A2M: variants seen among roughly 807,000 people sequenced by gnomAD.
The protein encoded by A2M is alpha-2-macroglobulin.
A2M carries 128 observed loss-of-function variants against 183.9 expected under a neutral mutation model. The observed-to-expected ratio is 0.70, with a 90% confidence interval of 0.60 to 0.81. The LOEUF (loss-of-function observed/expected upper bound fraction) is 0.81. Among genes scored for constraint, A2M ranks in the 30% least tolerant of loss-of-function variants. The probability of loss-of-function intolerance (pLI) is 0.00; values close to 1 mark genes in which losing one functional copy is unlikely to be tolerated. For synonymous variants in A2M, 592 were observed against 670.8 expected (o/e 0.88, Z 1.81); for missense variants, 1,495 against 1,787.6 (o/e 0.84, Z 2.95).
At chr12:9,090,322 A>G in intron 20 of A2M, 34 bp downstream of exon 20, 2 of 1,613,660 alleles carry the variant, frequency 1.2e-6, no homozygotes. Context: ...ACAATCTTTG[A>G]GTAGAGAATT....
At chr12:9,105,788 C>G (rs189484211) in intron 10 of A2M, among the ~76,000 whole-genome samples, 14 of 152,172 alleles carry the variant, frequency 9.2e-5, no homozygotes, top group Admixed American at 6.5e-4. Context: ...ATTGTAGAAT[C>G]TTTAATACTT....
chr12:9,107,892 C>A (rs1280295566), intron 7 of A2M, among the ~76,000 whole-genome samples: 1 of 150,002 alleles, frequency 6.7e-6, no homozygotes, highest in African/African-American at 2.5e-5. Context: ...TTAGTTTTAT[C>A]TTAAAAAAGT....
chr12:9,111,442 T>C (rs1021967173), intron 4 of A2M: 42 of 447,954 alleles, frequency 9.4e-5, no homozygotes, highest in African/African-American at 6.6e-4. Flanking sequence ...TTGAAGGTTA[T>C]TGTAATGATC....
intron 22 of A2M, among the ~76,000 whole-genome samples, chr12:9,087,439 T>C (rs1378676476): frequency 6.6e-6 from 1 of 152,164 alleles, no homozygotes; most frequent in Non-Finnish European, 1.5e-5. Context: ...TTCTCATTTG[T>C]ATGTGGAAGC....
intron 1 of A2M, chr12:9,115,476 C>A: frequency 3.4e-6 from 1 of 292,506 alleles, no homozygotes; most frequent in South Asian, 4.1e-5. Context: ...ATAGCATGGT[C>A]TCAAGTAGAT....
chr12:9,111,789 A>C (rs1448024033), intron 4 of A2M, among the ~76,000 whole-genome samples: 1 of 152,196 alleles, frequency 6.6e-6, no homozygotes, highest in Non-Finnish European at 1.5e-5. Flanking sequence ...TTTCCTTTAT[A>C]GTGAAGATTT....
chr12:9,100,796 GAGCTAAGCTATTAGGAAGTGGC>G (rs1430018934), intron 13 of A2M, among the ~76,000 whole-genome samples: 4 of 152,316 alleles, frequency 2.6e-5, no homozygotes, highest in East Asian at 1.9e-4. Context: ...TCAGAAGTAG[GAGCTAAGCTATTAGGAAGTGGC>G]AGCTAAGCTA....
chr12:9,095,867 C>G lies in A2M; in HGVS notation c.1852-167G>C, dbSNP rs530359129. 2.4e-4 allele frequency among the ~76,000 whole-genome samples: 35 copies of G among 143,928 alleles called. No homozygotes were observed. In the South Asian group the frequency reaches 7.1e-3, roughly 29 times the overall value. 94.4% of individuals were successfully genotyped at this position (143,928 alleles called of 152,430 possible). ...CTCCGCTTCCCGGGTTCACGCCATT[C>G]TCCTGCCTCAGCCTCCCGAGTAGCT... On this transcript the variant is annotated intron_variant, in intron 15 of 35. Transcript: ENST00000318602.
intron 22 of A2M, among the ~76,000 whole-genome samples, chr12:9,083,999 C>T (rs1049620916): frequency 1.3e-5 from 2 of 152,020 alleles, no homozygotes; most frequent in Non-Finnish European, 1.5e-5. Flanking sequence ...AGCAGTAACC[C>T]GGCAGGCTGA....
intron 22 of A2M, among the ~76,000 whole-genome samples, chr12:9,081,929 T>G (rs990447366): frequency 6.6e-6 from 1 of 152,220 alleles, no homozygotes; most frequent in Non-Finnish European, 1.5e-5. Context: ...GCCAACTGCA[T>G]AGCCCATCTG....
At chr12:9,080,062 A>G in intron 23 of A2M, 32 bp downstream of exon 23, 2 of 1,402,270 alleles carry the variant, frequency 1.4e-6, no homozygotes, top group Non-Finnish European at 1.9e-6. Flanking sequence ...GAAGCTGTTA[A>G]TGCCCGGATC....
intron 22 of A2M, among the ~76,000 whole-genome samples, chr12:9,086,691 G>A (rs1433095471): frequency 1.3e-5 from 2 of 152,150 alleles, no homozygotes; most frequent in East Asian, 1.9e-4. Flanking sequence ...ATATTTAACA[G>A]TGGAAAATTG....
At chr12:9,110,190 T>C in intron 5 of A2M, 124 bp downstream of exon 5, 8 of 1,110,964 alleles carry the variant, frequency 7.2e-6, no homozygotes, top group Non-Finnish European at 7.7e-6. Flanking sequence ...TCTAGCTCTA[T>C]GGGAGTTTGA....
chr12:9,109,773 G>T (rs1592392960), intron 6 of A2M, 94 bp downstream of exon 6: 1 of 1,263,352 alleles, frequency 7.9e-7, no homozygotes, highest in East Asian at 2.3e-5. Context: ...GTCACCCATG[G>T]GAAATGGAAA....
At chr12:9,103,285 A>C (rs141513167) in intron 11 of A2M, among the ~76,000 whole-genome samples, 1 of 152,338 alleles carries the variant, frequency 6.6e-6, no homozygotes, top group East Asian at 1.9e-4. Context: ...TTAGTATTGC[A>C]ATCATTTTAC....
At chr12:9,099,063 C>T (rs1949473276) in intron 14 of A2M, among the ~76,000 whole-genome samples, 1 of 152,120 alleles carries the variant, frequency 6.6e-6, no homozygotes, top group Non-Finnish European at 1.5e-5. Context: ...GGTCTAGGTG[C>T]TCTTGCATTT....
chr12:9,090,162 A>G, intron 20 of A2M, 139 bp from the exon 21 acceptor site: 1 of 1,374,202 alleles, frequency 7.3e-7, no homozygotes. Flanking sequence ...CATGCAAATG[A>G]GAGGTGAATG....
chr12:9,077,111 A>G (rs1948771353), intron 27 of A2M, among the ~76,000 whole-genome samples, 175 bp from the exon 28 acceptor site: 1 of 152,222 alleles, frequency 6.6e-6, no homozygotes, highest in African/African-American at 2.4e-5. Flanking sequence ...TTCAAAAGAT[A>G]CATCTTTAAG....
chr12:9,089,894 T>TA lies in A2M; in HGVS notation c.2718+7_2718+8insT. The TA allele has an allele frequency of 1.2e-6, 2 of 1,605,450 alleles. No individual in the cohort carries two copies. The highest frequency in any genetic ancestry group is 1.7e-4 in the Middle Eastern group (1 of 6,000). Reference sequence around the variant, plus strand: ...ATTGTGGACTATATATTATTTAGGTTTACTTACTTCAACCAACAGAGGCTT... The same window carrying TA: ...ATTGTGGACTATATATTATTTAGGTTATACTTACTTCAACCAACAGAGGCTT... On this transcript the variant is annotated splice_region_variant and intron_variant, in intron 21 of 35. Transcript: ENST00000318602.
Sources: gnomAD v4.1 joint callset for allele counts (sites outside exome capture counted in the v4.1 genomes callset) on GRCh38, gnomAD v4.1.1 for gene constraint, MANE v1.5 for transcripts, NCBI Gene and HGNC (gene_info 2026-07-23, HGNC 2026-07-21) for gene names.